CCDC144A: variants seen among roughly 807,000 people sequenced by gnomAD.
The protein encoded by CCDC144A is coiled-coil domain containing 144A.
In CCDC144A, 41 loss-of-function variants were observed where a neutral mutation model predicts 143.8. The ratio of observed to expected loss-of-function variants is 0.29; its 90% confidence interval spans 0.22 to 0.37. The LOEUF is 0.37. Among genes scored for constraint, CCDC144A ranks in the 10% least tolerant of loss-of-function variants. The probability of loss-of-function intolerance (pLI) is 1.00; values close to 1 mark genes in which losing one functional copy is unlikely to be tolerated. For synonymous variants in CCDC144A, 242 were observed against 517.9 expected, an observed-to-expected ratio of 0.47 and a Z score of 7.23; for missense variants, 637 against 1,488.8, an observed-to-expected ratio of 0.43 and a Z score of 9.41.
At chr17:16,729,891 A>G (rs1336153397) in intron 9 of CCDC144A, among the ~76,000 whole-genome samples, 2 of 143,882 alleles carry the variant, frequency 1.4e-5, no homozygotes, top group African/African-American at 5.2e-5. Flanking sequence ...TATGAATTGT[A>G]TGGTGGTGAA....
chr17:16,728,806 C>A (rs1913558565), intron 9 of CCDC144A, among the ~76,000 whole-genome samples: 1 of 152,162 alleles, frequency 6.6e-6, no homozygotes, highest in Admixed American at 6.5e-5. Context: ...GCACCTATAG[C>A]TTAACTCCCT....
chr17:16,716,969 G>A (rs1373152672), intron 6 of CCDC144A, among the ~76,000 whole-genome samples: 3 of 151,454 alleles, frequency 2.0e-5, no homozygotes, highest in Non-Finnish European at 2.9e-5. Flanking sequence ...ACCCACCACC[G>A]CACACGGCTA....
chr17:16,726,394 A>AG lies in CCDC144A; in HGVS notation c.1892-1133_1892-1132insG, dbSNP rs1422691395. 1.0e-3 allele frequency among the ~76,000 whole-genome samples: 148 copies of AG among 146,020 alleles called. 1 individual carries two copies. Among genetic ancestry groups the AG allele is most frequent in the African/African-American group, 3.7e-3 (134 of 36,632 alleles). ...AGACTCCGTCTCAAAAAAAAAAAAA[A>AG]AGAGAGATAAAAAAAAAAGAAAAAT... is the stretch of plus-strand genomic sequence containing the variant. On this transcript the variant is annotated intron_variant, in intron 8 of 16. Transcript: ENST00000399273.
At chr17:16,674,020 A>G in the CCDC144A span, among the ~76,000 whole-genome samples, 3 of 152,236 alleles carry the variant, frequency 2.0e-5, no homozygotes, top group East Asian at 5.8e-4. Context: ...ATCTACATGT[A>G]CTAATCTAAA....
At chr17:16,721,934 T>C (rs778199408) in intron 8 of CCDC144A, among the ~76,000 whole-genome samples, 69 of 152,264 alleles carry the variant, frequency 4.5e-4, no homozygotes, top group Non-Finnish European at 7.5e-4. Context: ...CAGGTAGCTT[T>C]TATTTCCTTT....
chr17:16,687,356 C>G (rs1444178893), upstream of CCDC144A, among the ~76,000 whole-genome samples: 1 of 152,068 alleles, frequency 6.6e-6, no homozygotes, highest in African/African-American at 2.4e-5. Flanking sequence ...CCCCCTCCCC[C>G]GCCGCCCCCC....
intron 8 of CCDC144A, among the ~76,000 whole-genome samples, chr17:16,723,055 G>T (rs1913187674): frequency 6.6e-6 from 1 of 151,962 alleles, no homozygotes; most frequent in Non-Finnish European, 1.5e-5. Flanking sequence ...TTTTTTGAGG[G>T]CGGGGGAGAG....
intron 2 of CCDC144A, among the ~76,000 whole-genome samples, chr17:16,703,177 C>T (rs1184405951): frequency 6.6e-6 from 1 of 152,064 alleles, no homozygotes; most frequent in African/African-American, 2.4e-5. Flanking sequence ...TTATTATGTC[C>T]ATTCCCTTTT....
In CCDC144A at chr17:16,774,638, CCA is replaced by C. The variant is rs1338312138; in HGVS notation, c.*1006_*1007del. ...TGGCAAGAGTATCACAGAAGTTATC[CCA>C]TGATCTTCTCACTGCATTCTATCAG... On this transcript the variant is annotated 3_prime_UTR_variant, in exon 17 of 17. Transcript: ENST00000399273. 1.2e-4 allele frequency: 16 copies of C among 137,346 alleles called. No homozygotes were observed. Among genetic ancestry groups the C allele is most frequent in the African/African-American group, 4.9e-4 (16 of 32,632 alleles). The allele number at this position is 137,346 out of a possible 1,614,324, so 8.5% of individuals were successfully genotyped here.
In CCDC144A at chr17:16,690,353, C is replaced by T. The variant is rs1438003204; in HGVS notation, c.-48C>T. The stretch of plus-strand genomic sequence containing the variant: ...TCCTCCTTTCGCAGATTGGAAACCG[C>T]GGGCTATCCTGCTGGGAGGTTGTGG... On this transcript the variant is annotated 5_prime_UTR_variant, in exon 1 of 17. Coordinates refer to ENST00000399273, the MANE Select transcript of CCDC144A (RefSeq NM_001382000.1). 1 of 1,406,662 alleles carries T rather than the reference C, an allele frequency of 7.1e-7. No individual in the cohort carries two copies. The highest frequency in any genetic ancestry group is 1.4e-5 in the African/African-American group (1 of 69,260). 87.1% of individuals were successfully genotyped at this position (1,406,662 alleles called of 1,614,324 possible). A position where few individuals can be genotyped will look rare whatever the true frequency, so the allele number is the denominator to read the frequency against.
At chr17:16,705,647 G>A (rs1466135437) in intron 3 of CCDC144A, 1 of 456,914 alleles carries the variant, frequency 2.2e-6, no homozygotes, top group African/African-American at 2.0e-5. Flanking sequence ...AGAATATAGG[G>A]ACTAAGTATG....
chr17:16,741,378 G>T (rs529349521), intron 12 of CCDC144A, among the ~76,000 whole-genome samples: 122 of 152,068 alleles, frequency 8.0e-4, no homozygotes, highest in Non-Finnish European at 1.4e-3. Context: ...ACTTTAGCTG[G>T]GGCAGGTTGC....
the CCDC144A span, among the ~76,000 whole-genome samples, chr17:16,682,348 TA>T: frequency 6.6e-6 from 1 of 151,832 alleles, no homozygotes; most frequent in Non-Finnish European, 1.5e-5. Context: ...GAGTTGCCAT[TA>T]AACAGATAGG....
Position 16,777,519 on chromosome 17 carries a change from G to T in CCDC144A, c.*3886G>T, listed in dbSNP as rs1187925293. On this transcript the variant is annotated 3_prime_UTR_variant, in exon 17 of 17. Transcript: ENST00000399273. ...CAGAATTATATCAAGTACTCTCTCA[G>T]ACCACAGTGGAATAAAATTGGAAAT... The T allele has an allele frequency of 1.5e-5, 2 of 130,556 alleles. No homozygotes were observed. The highest frequency in any genetic ancestry group is 3.1e-5 in the Non-Finnish European group (2 of 64,050). 8.1% of individuals were successfully genotyped at this position (130,556 alleles called of 1,614,324 possible). A position where few individuals can be genotyped will look rare whatever the true frequency, so the allele number is the denominator to read the frequency against.
chr17:16,708,429 C>A (rs150917654), intron 4 of CCDC144A, among the ~76,000 whole-genome samples: 46 of 152,214 alleles, frequency 3.0e-4, no homozygotes, highest in Middle Eastern at 6.8e-3. Context: ...GCTCACTTTC[C>A]AAGTGAGGAC....
At chr17:16,730,104 A>G (rs1246348928) in intron 9 of CCDC144A, among the ~76,000 whole-genome samples, 1 of 131,206 alleles carries the variant, frequency 7.6e-6, no homozygotes, top group Non-Finnish European at 1.6e-5. Context: ...CTCCCAAAGT[A>G]CCGGGATTAC....
chr17:16,746,123 T>A, intron 12 of CCDC144A: 1 of 1,589,440 alleles, frequency 6.3e-7, no homozygotes, highest in Non-Finnish European at 8.6e-7. Context: ...GAGCACAGGA[T>A]TCCTGCTTGC....
intron 15 of CCDC144A, 150 bp from the exon 16 acceptor site, chr17:16,771,827 G>A (rs1915831888): frequency 3.1e-6 from 2 of 635,900 alleles, no homozygotes; most frequent in Non-Finnish European, 5.3e-6. Flanking sequence ...AAAATAGGTA[G>A]GAATTTATAT....
chr17:16,746,826 G>A (rs1276833465), intron 12 of CCDC144A: 2 of 1,149,012 alleles, frequency 1.7e-6, no homozygotes, highest in African/African-American at 1.5e-5. Flanking sequence ...AAGGCACCGC[G>A]TACCGCGCTG....
Sources: allele counts gnomAD v4.1 joint callset (sites outside exome capture counted in the v4.1 genomes callset), GRCh38; gene constraint gnomAD v4.1.1; transcripts MANE v1.5; gene names NCBI Gene and HGNC (gene_info 2026-07-23, HGNC 2026-07-21).